Variants in PDXDC1 observed in about 807,000 individuals in gnomAD.
PDXDC1 encodes the protein pyridoxal-dependent decarboxylase domain-containing protein 1.
A neutral mutation model predicts 100.1 loss-of-function variants in PDXDC1; 42 were observed. That is an observed-to-expected ratio of 0.42 (90% CI 0.33 to 0.54). The LOEUF (loss-of-function observed/expected upper bound fraction) is 0.54. Ranked by LOEUF, PDXDC1 falls within the 20% of genes least tolerant of loss-of-function variation. PDXDC1 has a pLI of 0.10. For missense variants in PDXDC1, 636 were observed against 979.2 expected, an observed-to-expected ratio of 0.65 and a Z score of 4.68; for synonymous variants, 260 against 371.7, an observed-to-expected ratio of 0.70 and a Z score of 3.46.
At chr16:14,990,048 G>T (rs1970388993) in intron 1 of PDXDC1, 3 of 1,488,608 alleles carry the variant, frequency 2.0e-6, no homozygotes, top group Non-Finnish European at 2.7e-6. Flanking sequence ...CTGCGCGCCG[G>T]ACCCCCCAAA....
At position 14,988,149 on chromosome 16, in the gene PDXDC1, C is replaced by A. The variant is rs1969848040; in HGVS notation, c.22-9604C>A. 2.0e-6 allele frequency: 3 copies of A among 1,497,092 alleles called. No homozygotes were observed. The South Asian group carries it at 3.5e-5, about 17-fold the overall frequency. The allele number at this position is 1,497,092 out of a possible 1,614,324, so 92.7% of individuals were successfully genotyped here. Reference sequence around the variant, plus strand: ...CTTCTGCGTCACTGGTTTCCCCCAACAAGGCACAAAGGGCGGGTGCTTCCA... The same window carrying A: ...CTTCTGCGTCACTGGTTTCCCCCAAAAAGGCACAAAGGGCGGGTGCTTCCA... On this transcript the variant is annotated intron_variant, in intron 1 of 22. Coordinates refer to ENST00000396410, the MANE Select transcript of PDXDC1 (RefSeq NM_015027.4).
At chr16:15,147,711 CAG>C in the PDXDC1 span, among the ~76,000 whole-genome samples, 19 of 152,202 alleles carry the variant, frequency 1.2e-4, 1 homozygote, top group East Asian at 3.9e-4. Flanking sequence ...TTTTTTGAGA[CAG>C]AGTCTCGCTC....
chr16:15,132,906 G>A (rs1212379792), intron 16 of PDXDC1: 9 of 1,588,874 alleles, frequency 5.7e-6, no homozygotes, highest in Non-Finnish European at 7.7e-6. Context: ...CAAGCTGTCA[G>A]CAGGGCAGGA....
chr16:15,007,911 T>A (rs1039522626), intron 6 of PDXDC1, among the ~76,000 whole-genome samples: 6 of 152,298 alleles, frequency 3.9e-5, no homozygotes, highest in East Asian at 1.9e-4. Context: ...TCACGTTTTT[T>A]AAAGTGTGTG....
At chr16:15,086,412 T>G in intron 16 of PDXDC1, 1 of 1,613,728 alleles carries the variant, frequency 6.2e-7, no homozygotes, top group Non-Finnish European at 8.5e-7. Context: ...AAGTACATGA[T>G]AGAAGAACGG....
intron 16 of PDXDC1, chr16:15,132,887 G>C (rs1387504217): frequency 6.3e-7 from 1 of 1,592,504 alleles, no homozygotes; most frequent in East Asian, 2.2e-5. Context: ...GGGCAGGCAG[G>C]CGGCACAGCA....
At chr16:15,146,798 C>G in the PDXDC1 span, among the ~76,000 whole-genome samples, 1 of 151,902 alleles carries the variant, frequency 6.6e-6, no homozygotes, top group African/African-American at 2.4e-5. Flanking sequence ...CTGAGGGAAC[C>G]GACAGAGCTA....
intron 16 of PDXDC1, chr16:15,072,840 C>A: frequency 8.9e-7 from 1 of 1,126,186 alleles, no homozygotes; most frequent in South Asian, 1.4e-5. Flanking sequence ...CAAGTAAGCT[C>A]AAAGAAAAGA....
chr16:15,048,089 C>G, intron 16 of PDXDC1: 2 of 1,598,358 alleles, frequency 1.3e-6, no homozygotes, highest in Non-Finnish European at 1.7e-6. Flanking sequence ...TCTGAGAAGT[C>G]TGGCTCTTTC....
At chr16:15,086,427 C>T in intron 16 of PDXDC1, 1 of 1,613,498 alleles carries the variant, frequency 6.2e-7, no homozygotes, top group Non-Finnish European at 8.5e-7. Context: ...GAACGGAATT[C>T]TAGCAGCCAG....
intron 16 of PDXDC1, among the ~76,000 whole-genome samples, chr16:15,080,713 C>T (rs566304698): frequency 1.2e-3 from 183 of 152,258 alleles, no homozygotes; most frequent in African/African-American, 3.7e-3. Context: ...TAAGCCACTG[C>T]GCCCAGCCAG....
chr16:14,978,358 G>A (rs1258636262), intron 1 of PDXDC1, among the ~76,000 whole-genome samples: 1 of 152,278 alleles, frequency 6.6e-6, no homozygotes, highest in East Asian at 1.9e-4. Context: ...AAGATTTTAA[G>A]TTATTAAACA....
At chr16:14,991,007 G>C (rs1193037440) in intron 1 of PDXDC1, among the ~76,000 whole-genome samples, 1 of 152,282 alleles carries the variant, frequency 6.6e-6, no homozygotes, top group Non-Finnish European at 1.5e-5. Context: ...CTCCCAACGT[G>C]CTGGGATTAT....
At chr16:15,093,460 T>C (rs1458346652) in intron 16 of PDXDC1, among the ~76,000 whole-genome samples, 1 of 152,292 alleles carries the variant, frequency 6.6e-6, no homozygotes, top group African/African-American at 2.4e-5. Flanking sequence ...GTACTGCCTT[T>C]CCCCCCTATG....
At chr16:15,143,311 G>T, downstream of PDXDC1, among the ~76,000 whole-genome samples, 1 of 152,146 alleles carries the variant, frequency 6.6e-6, no homozygotes. Flanking sequence ...CCTGGAGCAG[G>T]AGCAGCAACA....
chr16:15,033,368 C>T lies in PDXDC1; in HGVS notation c.1781C>T (p.Ala594Val), dbSNP rs748926207. 1.9e-6 allele frequency: 3 copies of T among 1,614,148 alleles called. No homozygotes were observed. In the South Asian group the frequency reaches 3.3e-5, roughly 18 times the overall value. Residue 594 changes from alanine (A) to valine (V), a missense_variant, in exon 19 of 23, where the codon GCC (alanine) becomes GTC (valine). By Grantham distance (64) the Ala-to-Val change is moderately conservative. Around this residue, in one of 4 missense-constraint regions of PDXDC1, gnomAD observed 452 missense variants for 402.9 expected, o/e 1.12. Transcript: ENST00000396410. ...DAAELVETIA[A>V]TAREIEENSR... ...GCTGAGCTCGTGGAGACCATTGCGG[C>T]CACAGCCCGGGAGATAGAGGAGAAC...
intron 16 of PDXDC1, among the ~76,000 whole-genome samples, chr16:15,109,759 G>C (rs1458080309): frequency 7.4e-6 from 1 of 135,348 alleles, no homozygotes; most frequent in Non-Finnish European, 1.6e-5. Context: ...AGCTGAGGCA[G>C]AATTGCTTCA....
At chr16:15,070,752 T>C (rs2045189261) in intron 16 of PDXDC1, among the ~76,000 whole-genome samples, 1 of 151,880 alleles carries the variant, frequency 6.6e-6, no homozygotes, top group South Asian at 2.1e-4. Flanking sequence ...GATAGGTCTA[T>C]TACCTTTAAA....
At chr16:15,069,940 A>T (rs908760900) in intron 16 of PDXDC1, 1 of 1,377,614 alleles carries the variant, frequency 7.3e-7, no homozygotes, top group African/African-American at 1.4e-5. Flanking sequence ...AATTATTATT[A>T]AAAGTTTGAG....
Sources: gnomAD v4.1 joint callset for allele counts (sites outside exome capture counted in the v4.1 genomes callset) on GRCh38, gnomAD v4.1.1 for gene constraint, gnomAD v4.1.1 regional missense constraint, MANE v1.5 for transcripts, NCBI Gene and HGNC (gene_info 2026-07-23, HGNC 2026-07-21) for gene names.